SMC5: variants seen among roughly 807,000 people sequenced by gnomAD.
SMC5 encodes the protein structural maintenance of chromosomes protein 5.
SMC5 carries 88 observed loss-of-function variants against 148.3 expected under a neutral mutation model. The ratio of observed to expected loss-of-function variants is 0.59; its 90% CI spans 0.50 to 0.71. The LOEUF (loss-of-function observed/expected upper bound fraction) is 0.71, where lower values mean the gene tolerates loss of function less well. Ranked by LOEUF, SMC5 falls within the 30% of genes least tolerant of loss-of-function variation. The pLI is 0.00. For missense variants in SMC5, 1,142 were observed against 1,298.9 expected (o/e 0.88, Z 1.86); for synonymous variants, 421 against 432.8 (o/e 0.97, Z 0.34).
intron 17 of SMC5, among the ~76,000 whole-genome samples, chr9:70,326,408 A>G (rs2036077138): frequency 6.6e-6 from 1 of 152,124 alleles, no homozygotes; most frequent in African/African-American, 2.4e-5. Context: ...TACCAGGCAA[A>G]TGGAAATACA....
At chr9:70,347,849 C>T in intron 21 of SMC5, 70 bp from the exon 22 acceptor site, 1 of 1,425,362 alleles carries the variant, frequency 7.0e-7, no homozygotes, top group Non-Finnish European at 9.5e-7. Flanking sequence ...ATAAAATTTA[C>T]ATAAAATTGT....
At chr9:70,325,225 A>C (rs1315866463) in intron 17 of SMC5, among the ~76,000 whole-genome samples, 1 of 152,176 alleles carries the variant, frequency 6.6e-6, no homozygotes, top group East Asian at 1.9e-4. Context: ...GGAGTGATCT[A>C]AGGGGCTCAC....
chr9:70,350,043 T>C, intron 22 of SMC5, 71 bp from the exon 23 acceptor site: 1 of 1,133,552 alleles, frequency 8.8e-7, no homozygotes, highest in East Asian at 2.6e-5. Context: ...GTTAATTCAA[T>C]CCATTTTCAA....
chr9:70,293,392 AT>A (rs547831897), intron 8 of SMC5, among the ~76,000 whole-genome samples: 1 of 133,644 alleles, frequency 7.5e-6, no homozygotes. Flanking sequence ...AATTTTATTG[AT>A]TTTTTTCAAG....
At chr9:70,296,074 T>C (rs1212745189) in intron 8 of SMC5, among the ~76,000 whole-genome samples, 1 of 152,188 alleles carries the variant, frequency 6.6e-6, no homozygotes, top group Non-Finnish European at 1.5e-5. Context: ...ATATGTGCAT[T>C]TTGTTACTGC....
intron 11 of SMC5, chr9:70,311,067 T>C (rs1203370131): frequency 1.3e-5 from 2 of 152,244 alleles, no homozygotes; most frequent in Non-Finnish European, 2.9e-5. Context: ...TTCTTATTTG[T>C]GTGTACACTG....
intron 15 of SMC5, 57 bp from the exon 16 acceptor site, chr9:70,323,426 T>C (rs1205869663): frequency 6.7e-7 from 1 of 1,499,220 alleles, no homozygotes; most frequent in Non-Finnish European, 8.9e-7. Context: ...ACCTAAGAAT[T>C]TGGGATCAAT....
At position 70,314,764 on chromosome 9, in the gene SMC5, G is replaced by A. The variant is rs777738506; in HGVS notation, c.1601G>A (p.Arg534Lys). The change falls in exon 12 of 25, where the codon AGA (arginine) becomes AAA (lysine). Residue 534 changes from arginine (R) to lysine (K), a missense_variant. Physicochemically the swap from Arg to Lys is conservative, Grantham distance 26 (BLOSUM62 2). Transcript: ENST00000361138. ...LKEVRDNKKL[R>K]VNAVIAPKSS... ...CAGGTTCGTGACAATAAAAAATTAA[G>A]AGTAAATGCTGTTATTGCTCCCAAG... 5.1e-6 allele frequency: 8 copies of A among 1,560,376 alleles called. No homozygotes were observed. The highest frequency in any genetic ancestry group is 6.9e-6 in the Non-Finnish European group (8 of 1,152,006).
In SMC5 at chr9:70,344,283, G is replaced by C. The variant is rs2036605089; in HGVS notation, c.2523+14G>C. On this transcript the variant is annotated intron_variant, in intron 18 of 24. Transcript: ENST00000361138. ...GAATACCAGACAGTAAGTATAAAAA[G>C]TATATAATGCTACAATTGCCATATT... 7.0e-7 allele frequency: 1 copy of C among 1,423,928 alleles called. No homozygotes were observed. Among genetic ancestry groups the C allele is most frequent in the African/African-American group, 1.5e-5 (1 of 68,656 alleles). The allele number at this position is 1,423,928 out of a possible 1,614,324, so 88.2% of individuals were successfully genotyped here.
chr9:70,261,122 C>T (rs945185365), intron 1 of SMC5, among the ~76,000 whole-genome samples: 3 of 152,160 alleles, frequency 2.0e-5, no homozygotes, highest in Non-Finnish European at 4.4e-5. Context: ...ATTTAGAAAG[C>T]GTCAAGTATT....
rs1341391383 is a variant in SMC5, at chr9:70,282,527, C to T, written c.925C>T (p.Arg309Ter). The T allele has an allele frequency of 8.2e-6, 13 of 1,594,020 alleles. No individual in the cohort carries two copies. Among genetic ancestry groups the T allele is most frequent in the Non-Finnish European group, 5.1e-6 (6 of 1,173,098 alleles). Reference sequence around the variant, plus strand: ...AGAAGGGCAGATTCCTGTAACATGTCGAATTGAAGAAATGGAAAACGAGCG... The same window carrying T: ...AGAAGGGCAGATTCCTGTAACATGTTGAATTGAAGAAATGGAAAACGAGCG... Reference protein sequence around the residue: ...LKEGQIPVTCRIEEMENERHN... With the variant: ...LKEGQIPVTC Residue 309 changes from arginine to a stop codon, truncating the protein, a stop_gained, in exon 7 of 25, where the codon CGA becomes TGA. Transcript: ENST00000361138. LOFTEE classifies it high-confidence loss of function.
intron 7 of SMC5, among the ~76,000 whole-genome samples, chr9:70,283,379 A>G (rs954099760): frequency 3.2e-4 from 49 of 152,214 alleles, no homozygotes; most frequent in Admixed American, 2.6e-4. Context: ...AGGCAGGAGG[A>G]TCACTTGCGC....
intron 17 of SMC5, among the ~76,000 whole-genome samples, chr9:70,336,538 G>A (rs1015040888): frequency 6.6e-6 from 1 of 152,162 alleles, no homozygotes; most frequent in Non-Finnish European, 1.5e-5. Context: ...CCAGCAAAAA[G>A]CAATCAAAGG....
At chr9:70,288,809 G>A (rs2034976989) in intron 8 of SMC5, among the ~76,000 whole-genome samples, 1 of 151,912 alleles carries the variant, frequency 6.6e-6, no homozygotes, top group African/African-American at 2.4e-5. Context: ...CAATAAATGT[G>A]GCCTTTTGAC....
chr9:70,333,245 C>T (rs567480202), intron 17 of SMC5, among the ~76,000 whole-genome samples: 13 of 152,298 alleles, frequency 8.5e-5, no homozygotes, highest in African/African-American at 2.9e-4. Context: ...ATTGCGGCCC[C>T]ACCTACAAAC....
intron 17 of SMC5, among the ~76,000 whole-genome samples, chr9:70,338,252 C>T (rs2036418663): frequency 6.6e-6 from 1 of 152,156 alleles, no homozygotes; most frequent in Non-Finnish European, 1.5e-5. Context: ...CTCAAGCAGT[C>T]TTCCCACCTC....
chr9:70,305,144 T>C, intron 10 of SMC5, 103 bp from the exon 11 acceptor site: 1 of 574,398 alleles, frequency 1.7e-6, no homozygotes, highest in South Asian at 2.3e-5. Context: ...ATCTTGTTTT[T>C]TCTCAAGTAT....
At chr9:70,275,284 C>T (rs1321781972) in intron 3 of SMC5, among the ~76,000 whole-genome samples, 1 of 152,082 alleles carries the variant, frequency 6.6e-6, no homozygotes, top group Admixed American at 6.5e-5. Context: ...GATCATGACT[C>T]ACTGCATCCT....
intron 19 of SMC5, 61 bp from the exon 20 acceptor site, chr9:70,347,005 T>C: frequency 8.0e-7 from 1 of 1,252,758 alleles, no homozygotes; most frequent in Non-Finnish European, 1.2e-6. Flanking sequence ...TATTTTTCTT[T>C]TAACTATTTG....
Sources: gnomAD v4.1 joint callset for allele counts (sites outside exome capture counted in the v4.1 genomes callset) on GRCh38, gnomAD v4.1.1 for gene constraint, MANE v1.5 for transcripts, NCBI Gene and HGNC (gene_info 2026-07-23, HGNC 2026-07-21) for gene names.